Variants in IL6R observed in about 807,000 individuals in gnomAD.
IL6R encodes interleukin 6 receptor, also known as interleukin-6 receptor subunit alpha.
Under a neutral mutation model 48.3 loss-of-function variants are expected in IL6R, and 38 were observed. The ratio of observed to expected loss-of-function variants is 0.79; its 90% CI spans 0.61 to 1.03. The LOEUF (loss-of-function observed/expected upper bound fraction) is 1.03, where lower values mean the gene tolerates loss of function less well. IL6R is among the 50% of genes least tolerant of loss of function. IL6R has a pLI of 0.00. For synonymous variants in IL6R, 264 were observed against 256.2 expected (o/e 1.03, Z -0.29); for missense variants, 534 against 618.3 (o/e 0.86, Z 1.45).
chr1:154,447,949 G>T (rs1303652234), intron 6 of IL6R, among the ~76,000 whole-genome samples, 176 bp from the exon 7 acceptor site: 3 of 152,080 alleles, frequency 2.0e-5, no homozygotes, highest in Admixed American at 1.3e-4. Context: ...CCTAACCTCA[G>T]GTGATCTACC....
intron 7 of IL6R, among the ~76,000 whole-genome samples, chr1:154,449,382 G>A (rs965435921): frequency 2.0e-5 from 3 of 152,058 alleles, no homozygotes; most frequent in South Asian, 2.1e-4. Context: ...GTGTGGTGGC[G>A]CATGCCTGTA....
intron 1 of IL6R, chr1:154,414,592 A>T (rs1570923586): frequency 1.3e-6 from 1 of 754,468 alleles, no homozygotes. Context: ...GGCTTTCTTG[A>T]TGCACCCGGC....
Position 154,465,194 on chromosome 1 carries a change from G to A in IL6R, c.1221G>A (p.Pro407=), listed in dbSNP as rs764787666. The A allele has an allele frequency of 1.7e-5, 28 of 1,614,014 alleles. No homozygotes were observed. Among genetic ancestry groups the A allele is most frequent in the South Asian group, 1.3e-4 (12 of 91,080 alleles). ...AAGGCAAGACAAGCATGCATCCGCC[G>A]TACTCTTTGGGGCAGCTGGTCCCGG... ...LKEGKTSMHP[P]YSLGQLVPER... Residue 407 remains proline (P), a synonymous_variant, in exon 10 of 10, where the codon CCG becomes CCA. Transcript: ENST00000368485.
chr1:154,441,446 G>A lies in IL6R; in HGVS notation c.949+5336G>A, dbSNP rs547425237. On this transcript the variant is annotated intron_variant, in intron 6 of 9. Coordinates refer to ENST00000368485, the MANE Select transcript of IL6R (RefSeq NM_000565.4). The stretch of plus-strand genomic sequence containing the variant: ...ACTTTGAGCCCTCCACCCTATGCAT[G>A]TGTGGTTTGAGGCAGGGGAAGTCTT... Among the ~76,000 whole-genome samples the A allele has an allele frequency of 2.0e-5, 3 of 152,266 alleles. No homozygotes were observed. The South Asian group carries it at 6.2e-4, about 32-fold the overall frequency.
rs1283357816 is a variant in IL6R, at chr1:154,466,353, G to A, written c.*973G>A. The A allele has an allele frequency of 1.3e-5, 2 of 152,246 alleles. No homozygotes were observed. The highest frequency in any genetic ancestry group is 6.5e-5 in the Admixed American group (1 of 15,286). The allele number at this position is 152,246 out of a possible 1,614,324, so 9.4% of individuals were successfully genotyped here. On this transcript the variant is annotated 3_prime_UTR_variant, in exon 10 of 10. Transcript: ENST00000368485. ...CAGCTGAACCTGGGTAACTAGGGAA[G>A]ATAATATTAAGGAAGACAATGTGAA... is the stretch of plus-strand genomic sequence containing the variant.
At chr1:154,439,034 T>C (rs1460294365) in intron 6 of IL6R, among the ~76,000 whole-genome samples, 2 of 152,174 alleles carry the variant, frequency 1.3e-5, no homozygotes, top group Admixed American at 6.5e-5. Flanking sequence ...GATTTGTGTA[T>C]ACTTTGAGCC....
rs186695324 is a variant in IL6R at position 154,455,295 on chromosome 1, C to T, written c.1160+714C>T. Among the ~76,000 whole-genome samples the T allele has an allele frequency of 2.3e-4, 35 of 152,038 alleles. 2 individuals carry two copies. The highest frequency in any genetic ancestry group is 7.7e-4 in the African/African-American group (32 of 41,498). ...ACGTGTCTGTGAAGGGGGCGCAGCA[C>T]GGTTGGGGCAATATGGGGCAGGAAG... On this transcript the variant is annotated intron_variant, in intron 9 of 9. Transcript: ENST00000368485.
intron 9 of IL6R, among the ~76,000 whole-genome samples, chr1:154,459,566 G>C (rs10752641): frequency 0.73 from 110,383 of 152,102 alleles, 40,400 homozygotes; most frequent in East Asian, 0.83. Flanking sequence ...TCCTGCCAGT[G>C]TATACTATAT....
At chr1:154,440,525 A>G (rs1297360156) in intron 6 of IL6R, among the ~76,000 whole-genome samples, 1 of 152,236 alleles carries the variant, frequency 6.6e-6, no homozygotes, top group African/African-American at 2.4e-5. Flanking sequence ...ACCAGAGTGT[A>G]TAAGGGTTCC....
chr1:154,451,333 C>T (rs1690567605), intron 8 of IL6R, among the ~76,000 whole-genome samples: 1 of 152,090 alleles, frequency 6.6e-6, no homozygotes, highest in Non-Finnish European at 1.5e-5. Flanking sequence ...GCCTGGCCAA[C>T]ATGGTGAAAC....
chr1:154,433,615 T>C (rs188102770), intron 3 of IL6R, among the ~76,000 whole-genome samples: 1 of 152,270 alleles, frequency 6.6e-6, no homozygotes, highest in East Asian at 1.9e-4. Flanking sequence ...CCTGAGTGAC[T>C]AGCTGAGCCC....
At chr1:154,409,632 ATCAT>A (rs1250021069) in intron 1 of IL6R, among the ~76,000 whole-genome samples, 1 of 152,174 alleles carries the variant, frequency 6.6e-6, no homozygotes, top group Non-Finnish European at 1.5e-5. Flanking sequence ...AGTGTAGGTG[ATCAT>A]TCATTCACTC....
intron 1 of IL6R, among the ~76,000 whole-genome samples, chr1:154,409,213 C>T (rs1350087715): frequency 6.6e-6 from 1 of 152,232 alleles, no homozygotes; most frequent in Non-Finnish European, 1.5e-5. Context: ...GCTCAACACT[C>T]ACATTGCTAG....
chr1:154,410,163 G>T (rs1454111781), intron 1 of IL6R, among the ~76,000 whole-genome samples: 1 of 152,168 alleles, frequency 6.6e-6, no homozygotes, highest in African/African-American at 2.4e-5. Context: ...TCTAGCAGAG[G>T]GAAGTGCTAA....
chr1:154,442,413 G>C (rs1689987273), intron 6 of IL6R, among the ~76,000 whole-genome samples: 1 of 152,198 alleles, frequency 6.6e-6, no homozygotes. Context: ...GGGGAGGGTG[G>C]CAGAGAGCTG....
intron 3 of IL6R, among the ~76,000 whole-genome samples, chr1:154,431,368 A>C (rs1408162157): frequency 6.6e-6 from 1 of 152,202 alleles, no homozygotes; most frequent in African/African-American, 2.4e-5. Flanking sequence ...AGTCATCAGA[A>C]TATAGGGCAA....
At chr1:154,442,264 G>T (rs1022253384) in intron 6 of IL6R, among the ~76,000 whole-genome samples, 1 of 152,222 alleles carries the variant, frequency 6.6e-6, no homozygotes, top group African/African-American at 2.4e-5. Flanking sequence ...AGACTGTTCT[G>T]TTGGGGCAGT....
At chr1:154,433,596 C>T (rs1179069285) in intron 3 of IL6R, among the ~76,000 whole-genome samples, 2 of 152,130 alleles carry the variant, frequency 1.3e-5, no homozygotes, top group South Asian at 2.1e-4. Context: ...GCTGGCCAGC[C>T]GACCATTGCC....
At chr1:154,454,451 T>C (rs1443420620) in intron 8 of IL6R, 37 bp from the exon 9 acceptor site, 3 of 1,335,632 alleles carry the variant, frequency 2.2e-6, no homozygotes, top group Admixed American at 3.6e-5. Context: ...CATATTCTCC[T>C]CTTCCTCCTC....
Sources: gnomAD v4.1 joint callset for allele counts (sites outside exome capture counted in the v4.1 genomes callset) on GRCh38, gnomAD v4.1.1 for gene constraint, MANE v1.5 for transcripts, NCBI Gene and HGNC (gene_info 2026-07-23, HGNC 2026-07-21) for gene names.